DLGAP2: variants seen among roughly 807,000 people sequenced by gnomAD.
DLGAP2 encodes DLG associated protein 2, also known as disks large-associated protein 2.
A neutral mutation model predicts 100.3 loss-of-function variants in DLGAP2; 26 were observed. The ratio of observed to expected loss-of-function variants is 0.26; its 90% CI spans 0.19 to 0.36. DLGAP2 has a LOEUF of 0.36. Among genes scored for constraint, DLGAP2 ranks in the 10% least tolerant of loss-of-function variants. The pLI, the probability that DLGAP2 is intolerant of heterozygous loss-of-function variation, is 1.00. For synonymous variants in DLGAP2, 886 were observed against 630.1 expected (o/e 1.41, Z -6.08); for missense variants, 1,858 against 1,453.2 (o/e 1.28, Z -4.53).
intron 4 of DLGAP2, among the ~76,000 whole-genome samples, chr8:1,528,804 T>A (rs2130446632): frequency 6.6e-6 from 1 of 152,318 alleles, no homozygotes; most frequent in Non-Finnish European, 1.5e-5. Flanking sequence ...TCCTGCCATC[T>A]TAAGGAAGGA....
chr8:1,528,357 T>A (rs940069554), intron 4 of DLGAP2, among the ~76,000 whole-genome samples: 1 of 152,182 alleles, frequency 6.6e-6, no homozygotes, highest in African/African-American at 2.4e-5. Flanking sequence ...CAGGGCATTG[T>A]TCCCACCCCA....
At chr8:1,196,642 GAA>G (rs1309764157) in intron 2 of DLGAP2, among the ~76,000 whole-genome samples, 1 of 152,170 alleles carries the variant, frequency 6.6e-6, no homozygotes, top group African/African-American at 2.4e-5. Flanking sequence ...TCTCTGAGAT[GAA>G]AAGAGTAATT....
Position 1,011,598 on chromosome 8 carries a change from C to T in DLGAP2, c.73+103632C>T, listed in dbSNP as rs186816146. 1.9e-3 allele frequency among the ~76,000 whole-genome samples: 249 copies of T among 131,914 alleles called. 1 individual carries two copies. Among genetic ancestry groups the T allele is most frequent in the Non-Finnish European group, 2.6e-3 (163 of 63,744 alleles). The allele number at this position is 131,914 out of a possible 152,430, so 86.5% of individuals were successfully genotyped here. On this transcript the variant is annotated intron_variant, in intron 2 of 14. Coordinates refer to ENST00000637795, the MANE Select transcript of DLGAP2 (RefSeq NM_001346810.2). The stretch of plus-strand genomic sequence containing the variant: ...CTCAGTCTACACAGTGAGCCCTGGA[C>T]GAGGTTCCTCAGTCTGCACAGTGGG...
intron 2 of DLGAP2, among the ~76,000 whole-genome samples, chr8:973,559 G>A (rs1800078325): frequency 6.6e-6 from 1 of 152,246 alleles, no homozygotes; most frequent in Non-Finnish European, 1.5e-5. Flanking sequence ...CAGATGGGGT[G>A]GCAGCTGGGC....
At chr8:749,536 G>A (rs558134179) in intron 1 of DLGAP2, among the ~76,000 whole-genome samples, 83 of 151,872 alleles carry the variant, frequency 5.5e-4, no homozygotes, top group African/African-American at 1.7e-3. Context: ...AATTTTCATC[G>A]ATGTGTAATG....
At chr8:1,194,510 C>G (rs1222335060) in intron 2 of DLGAP2, among the ~76,000 whole-genome samples, 1 of 152,180 alleles carries the variant, frequency 6.6e-6, no homozygotes, top group Non-Finnish European at 1.5e-5. Flanking sequence ...AGGGGTCCCT[C>G]TGGGTCACTC....
intron 3 of DLGAP2, chr8:1,262,552 G>C (rs918564739): frequency 6.6e-6 from 1 of 151,648 alleles, no homozygotes; most frequent in African/African-American, 2.4e-5. Flanking sequence ...GACCTCTCCT[G>C]ATAATAATAA....
At position 1,271,067 on chromosome 8, in the gene DLGAP2, C is replaced by T. The variant is rs1022890038; in HGVS notation, c.106+12184C>T. ...TTGCAATTCTCAAATTCTTTCCCCA[C>T]GTCTTCATGAAATAAGTCATAGTTA... On this transcript the variant is annotated intron_variant, in intron 3 of 14. Transcript: ENST00000637795. Among the ~76,000 whole-genome samples the T allele has an allele frequency of 2.6e-5, 4 of 152,060 alleles. No homozygotes were observed. The South Asian group carries it at 6.2e-4, about 24-fold the overall frequency.
At chr8:1,542,899 G>T (rs1801410005) in intron 4 of DLGAP2, among the ~76,000 whole-genome samples, 1 of 152,058 alleles carries the variant, frequency 6.6e-6, no homozygotes, top group South Asian at 2.1e-4. Context: ...TTTTCCCTCT[G>T]TCCACTCCAG....
At chr8:789,026 G>A (rs991061012) in intron 1 of DLGAP2, among the ~76,000 whole-genome samples, 5 of 152,110 alleles carry the variant, frequency 3.3e-5, no homozygotes, top group African/African-American at 9.7e-5. Context: ...AGGTTTTGCC[G>A]GTTTTTAAAA....
intron 3 of DLGAP2, among the ~76,000 whole-genome samples, chr8:1,414,303 C>T (rs1796817422): frequency 6.6e-6 from 1 of 152,182 alleles, no homozygotes; most frequent in Non-Finnish European, 1.5e-5. Flanking sequence ...GGGTGTGTTT[C>T]ACAGTTGTCA....
chr8:1,094,970 C>T (rs946770339), intron 2 of DLGAP2, among the ~76,000 whole-genome samples: 25 of 152,272 alleles, frequency 1.6e-4, no homozygotes, highest in African/African-American at 3.6e-4. Flanking sequence ...TCTTCAGGAG[C>T]GGCACTTCCA....
At chr8:1,200,535 C>G (rs991782235) in intron 2 of DLGAP2, among the ~76,000 whole-genome samples, 1 of 152,168 alleles carries the variant, frequency 6.6e-6, no homozygotes, top group African/African-American at 2.4e-5. Context: ...GTTCTCTGGT[C>G]TGACCCGCCA....
intron 2 of DLGAP2, among the ~76,000 whole-genome samples, chr8:1,045,482 A>G (rs759857789): frequency 3.9e-5 from 6 of 152,206 alleles, no homozygotes; most frequent in Admixed American, 1.3e-4. Context: ...TTACTCACAC[A>G]CTATCATTTT....
chr8:1,351,208 C>T (rs554690888), intron 3 of DLGAP2, among the ~76,000 whole-genome samples: 1 of 54,404 alleles, frequency 1.8e-5, no homozygotes, highest in Non-Finnish European at 3.3e-5. Context: ...AAACACCGTG[C>T]GGGTCCTGAC....
rs143230175 is a variant in DLGAP2 at position 952,695 on chromosome 8, G to A, written c.73+44729G>A. On this transcript the variant is annotated intron_variant, in intron 2 of 14. Transcript: ENST00000637795. ...TATTTCATATTAATAAAAGAAACAG[G>A]TATATATGAAAAAACACCTATTGTC... Among the ~76,000 whole-genome samples the A allele has an allele frequency of 4.8e-3, 728 of 152,014 alleles. 7 individuals are homozygous for A. The highest frequency in any genetic ancestry group is 0.016 in the African/African-American group (645 of 41,444).
In DLGAP2 at chr8:906,170, C is replaced by T. The variant is rs929152466; in HGVS notation, c.19-1742C>T. On this transcript the variant is annotated intron_variant, in intron 1 of 14. Coordinates refer to ENST00000637795, the MANE Select transcript of DLGAP2 (RefSeq NM_001346810.2). ...CTTGTGATTTCAGCCGGGAGGAGAC[C>T]GTGAGGGAAGAGATCCCTTAGGTGG... Among the ~76,000 whole-genome samples, 4 of 152,206 alleles carry T rather than the reference C, an allele frequency of 2.6e-5. No homozygotes were observed. In the East Asian group the frequency reaches 5.8e-4, roughly 22 times the overall value.
intron 6 of DLGAP2, among the ~76,000 whole-genome samples, chr8:1,566,170 A>C (rs1802393336): frequency 6.6e-6 from 1 of 152,194 alleles, no homozygotes; most frequent in African/African-American, 2.4e-5. Context: ...CTTTCTGATC[A>C]TTCAGATTAT....
At chr8:1,484,489 C>G (rs1440779258) in intron 3 of DLGAP2, among the ~76,000 whole-genome samples, 1 of 152,248 alleles carries the variant, frequency 6.6e-6, no homozygotes, top group African/African-American at 2.4e-5. Context: ...TGCCCGCCGA[C>G]CCAGGGTCCT....
Sources: allele counts gnomAD v4.1 joint callset (sites outside exome capture counted in the v4.1 genomes callset), GRCh38; gene constraint gnomAD v4.1.1; transcripts MANE v1.5; gene names NCBI Gene and HGNC (gene_info 2026-07-23, HGNC 2026-07-21).